The following MCF2L2 variants were observed in gnomAD, a reference collection of about 807,000 sequenced individuals.
MCF2L2 encodes the protein MCF.2 cell line derived transforming sequence-like 2, also known as probable guanine nucleotide exchange factor MCF2L2.
Under a neutral mutation model 150.2 loss-of-function variants are expected in MCF2L2, and 102 were observed. The ratio of observed to expected loss-of-function variants is 0.68; its 90% confidence interval spans 0.58 to 0.80. The LOEUF (loss-of-function observed/expected upper bound fraction) is 0.80, where lower values mean the gene tolerates loss of function less well. Among genes scored for constraint, MCF2L2 ranks in the 30% least tolerant of loss-of-function variants. The pLI is 0.00. For missense variants in MCF2L2, 1,256 were observed against 1,372.8 expected (o/e 0.91, Z 1.34); for synonymous variants, 465 against 491.3 (o/e 0.95, Z 0.71).
At chr3:183,369,557 G>C (rs1334936418) in intron 3 of MCF2L2, among the ~76,000 whole-genome samples, 1 of 152,066 alleles carries the variant, frequency 6.6e-6, no homozygotes, top group Non-Finnish European at 1.5e-5. Flanking sequence ...TAAATATTCA[G>C]ACTCTTCCTA....
intron 3 of MCF2L2, among the ~76,000 whole-genome samples, chr3:183,350,911 A>AG (rs1731089932): frequency 6.6e-6 from 1 of 151,916 alleles, no homozygotes; most frequent in Admixed American, 6.6e-5. Context: ...CTCAAAAAAA[A>AG]AAAAAAGAGT....
chr3:183,349,527 T>C (rs1731030027), intron 3 of MCF2L2, among the ~76,000 whole-genome samples: 1 of 152,208 alleles, frequency 6.6e-6, no homozygotes, highest in Non-Finnish European at 1.5e-5. Context: ...AGCAAAACAG[T>C]TCTGCTGCAC....
chr3:183,207,972 C>T, intron 22 of MCF2L2, 149 bp from the exon 23 acceptor site: 2 of 643,066 alleles, frequency 3.1e-6, no homozygotes, highest in Middle Eastern at 4.1e-4. Context: ...GTCACTAAAT[C>T]AAAACGACAA....
intron 14 of MCF2L2, among the ~76,000 whole-genome samples, chr3:183,286,012 G>A (rs769255234): frequency 5.9e-5 from 9 of 152,038 alleles, no homozygotes; most frequent in Non-Finnish European, 1.3e-4. Context: ...TCCACCACCG[G>A]GCTTTCCCAG....
intron 3 of MCF2L2, among the ~76,000 whole-genome samples, chr3:183,367,220 TTTCTTTC>T (rs1712589334): frequency 6.6e-6 from 1 of 151,400 alleles, no homozygotes; most frequent in African/African-American, 2.4e-5. Context: ...CTTTTCTTTC[TTTCTTTC>T]TTTTTTTTTT....
intron 2 of MCF2L2, among the ~76,000 whole-genome samples, chr3:183,382,051 T>TTTATTATTATTATTA (rs3050286): frequency 6.1e-5 from 9 of 148,460 alleles, no homozygotes; most frequent in Admixed American, 1.4e-4. Flanking sequence ...AATTTCACCT[T>TTTATTATTATTATTA]TTATTATTAT....
chr3:183,258,934 A>T (rs1023846106), intron 15 of MCF2L2, among the ~76,000 whole-genome samples: 1 of 152,204 alleles, frequency 6.6e-6, no homozygotes, highest in Non-Finnish European at 1.5e-5. Context: ...TAACTAATGC[A>T]ATATAAATGC....
At chr3:183,228,722 G>A (rs190911696) in intron 17 of MCF2L2, among the ~76,000 whole-genome samples, 2 of 152,246 alleles carry the variant, frequency 1.3e-5, no homozygotes, top group East Asian at 1.9e-4. Flanking sequence ...ACAGCTGTTC[G>A]GGTAATTCTA....
At position 183,207,687 on chromosome 3, in the gene MCF2L2, C is replaced by T. The variant is rs770625679; in HGVS notation, c.2633G>A (p.Gly878Glu). The T allele has an allele frequency of 6.2e-7, 1 of 1,614,208 alleles. No homozygotes were observed. Among genetic ancestry groups the T allele is most frequent in the South Asian group, 1.1e-5 (1 of 91,084 alleles). ...CATTCGTATCTTACAGAACACTATTCCCCTTTCAAATAGGTAGATTTGCCT... is the reference window on the plus strand; with the variant it reads ...CATTCGTATCTTACAGAACACTATTTCCCTTTCAAATAGGTAGATTTGCCT... ...SQRQIYLFER[G>E]IVFCKIRMEP... is the part of the protein sequence containing the mutation. Residue 878 changes from glycine (G) to glutamate (E), a missense_variant, in exon 23 of 30, where the codon GGA becomes GAA. Gly to Glu is a moderately conservative substitution (Grantham distance 98, BLOSUM62 -2). Transcript: ENST00000328913.
At chr3:183,190,480 G>C (rs1721845206) in intron 27 of MCF2L2, among the ~76,000 whole-genome samples, 1 of 152,254 alleles carries the variant, frequency 6.6e-6, no homozygotes, top group African/African-American at 2.4e-5. Flanking sequence ...CTGGAAGACA[G>C]TGAAGGCCGA....
At chr3:183,217,562 T>C (rs1722992353) in intron 21 of MCF2L2, among the ~76,000 whole-genome samples, 3 of 152,058 alleles carry the variant, frequency 2.0e-5, no homozygotes. Context: ...GTGGGAAAAA[T>C]TATACTTAAA....
intron 5 of MCF2L2, among the ~76,000 whole-genome samples, chr3:183,324,644 G>T (rs1577064110): frequency 6.6e-6 from 1 of 151,944 alleles, no homozygotes; most frequent in African/African-American, 2.4e-5. Flanking sequence ...GAGGCAGGAG[G>T]ACTCCGTGGG....
intron 15 of MCF2L2, among the ~76,000 whole-genome samples, chr3:183,263,686 C>A (rs1443816691): frequency 2.0e-5 from 3 of 152,118 alleles, no homozygotes; most frequent in African/African-American, 7.2e-5. Context: ...TAGATTATTA[C>A]CCCCTGGACA....
intron 15 of MCF2L2, among the ~76,000 whole-genome samples, chr3:183,262,149 ACT>A (rs1725659833): frequency 8.5e-6 from 1 of 118,136 alleles, no homozygotes; most frequent in African/African-American, 5.1e-5. Context: ...TATTATATAC[ACT>A]AAGGGTTAGT....
At chr3:183,231,070 GA>G in intron 15 of MCF2L2, 53 bp from the exon 16 acceptor site, 2 of 1,325,784 alleles carry the variant, frequency 1.5e-6, no homozygotes, top group Non-Finnish European at 2.2e-6. Flanking sequence ...AGGGAGAGGA[GA>G]ATGTTCTTTT....
chr3:183,326,275 T>G (rs1262507945), intron 5 of MCF2L2, among the ~76,000 whole-genome samples: 1 of 152,058 alleles, frequency 6.6e-6, no homozygotes, highest in Non-Finnish European at 1.5e-5. Flanking sequence ...ACAGATCACC[T>G]GAGGTCAGGA....
At chr3:183,260,352 A>C (rs1725469930) in intron 15 of MCF2L2, among the ~76,000 whole-genome samples, 1 of 152,160 alleles carries the variant, frequency 6.6e-6, no homozygotes, top group South Asian at 2.1e-4. Flanking sequence ...TTTCTTAAGT[A>C]GGCAAGAAAA....
chr3:183,207,753 C>T lies in MCF2L2; in HGVS notation c.2567G>A (p.Arg856His), dbSNP rs139337758. Reference protein sequence around the residue: ...PFSVWTIHKDRYKMKDLIRFK... With the variant: ...PFSVWTIHKDHYKMKDLIRFK... ...TCGAATCAAATCCTTCATTTTATAA[C>T]GATCCTTGTGAATTGTCCAGACGCT... The change falls in exon 23 of 30, where the codon CGT (arginine) becomes CAT (histidine). Residue 856 changes from arginine to histidine, a missense_variant. Arg to His is a conservative substitution (Grantham distance 29). Transcript: ENST00000328913. 89 of 1,614,214 alleles carry T rather than the reference C, an allele frequency of 5.5e-5. No individual in the cohort carries two copies. The highest frequency in any genetic ancestry group is 1.6e-4 in the East Asian group (7 of 44,886).
At chr3:183,254,937 A>G (rs1273225658) in intron 15 of MCF2L2, among the ~76,000 whole-genome samples, 1 of 152,186 alleles carries the variant, frequency 6.6e-6, no homozygotes, top group Non-Finnish European at 1.5e-5. Flanking sequence ...TATAGGTAAA[A>G]GTAACAGTTT....
Sources: allele counts gnomAD v4.1 joint callset (sites outside exome capture counted in the v4.1 genomes callset), GRCh38; gene constraint gnomAD v4.1.1; transcripts MANE v1.5; gene names NCBI Gene and HGNC (gene_info 2026-07-23, HGNC 2026-07-21).